CUEDC1: variants seen among roughly 807,000 people sequenced by gnomAD.
The protein encoded by CUEDC1 is CUE domain containing 1, also known as CUE domain-containing protein 1.
CUEDC1 carries 30 observed loss-of-function variants against 43.7 expected under a neutral mutation model. That is an observed-to-expected ratio of 0.69 (90% CI 0.51 to 0.93). The LOEUF (loss-of-function observed/expected upper bound fraction) is 0.93. Among genes scored for constraint, CUEDC1 ranks in the 40% least tolerant of loss-of-function variants. CUEDC1 has a pLI of 0.00. For synonymous variants in CUEDC1, 223 were observed against 223.6 expected (o/e 1.00, Z 0.02); for missense variants, 486 against 549.0 (o/e 0.89, Z 1.15).
chr17:57,870,443 A>G (rs1416710045), intron 6 of CUEDC1, among the ~76,000 whole-genome samples: 1 of 152,272 alleles, frequency 6.6e-6, no homozygotes, highest in Non-Finnish European at 1.5e-5. Flanking sequence ...GCAAGGCCCA[A>G]CAGATGGCAG....
chr17:57,863,667 T>C (rs117530574), intron 10 of CUEDC1, among the ~76,000 whole-genome samples: 2,618 of 152,164 alleles, frequency 0.017, 22 homozygotes, highest in Non-Finnish European at 0.03. Flanking sequence ...GGGCAGAACT[T>C]GGTAGGACTC....
intron 1 of CUEDC1, among the ~76,000 whole-genome samples, chr17:57,916,733 G>A (rs889459749): frequency 2.6e-5 from 4 of 152,190 alleles, no homozygotes; most frequent in Non-Finnish European, 5.9e-5. Flanking sequence ...CCCCGCTCTC[G>A]AGAACCAGTC....
chr17:57,927,020 G>T (rs950918256), intron 1 of CUEDC1, among the ~76,000 whole-genome samples: 11 of 152,342 alleles, frequency 7.2e-5, no homozygotes, highest in Admixed American at 2.0e-4. Context: ...GGGAGGCGCA[G>T]CTGGGGGAAA....
At chr17:57,934,435 T>C (rs1353420725) in intron 1 of CUEDC1, among the ~76,000 whole-genome samples, 2 of 151,854 alleles carry the variant, frequency 1.3e-5, no homozygotes, top group Non-Finnish European at 2.9e-5. Flanking sequence ...TGCACACCTG[T>C]AGTCTCAGCT....
At chr17:57,929,638 G>C (rs149708535) in intron 1 of CUEDC1, among the ~76,000 whole-genome samples, 55 of 152,244 alleles carry the variant, frequency 3.6e-4, no homozygotes, top group African/African-American at 1.3e-3. Context: ...CCTGAACTAA[G>C]GAATAGAGCA....
At position 57,954,892 on chromosome 17, in the gene CUEDC1, G is replaced by C. The variant is rs2075041714; in HGVS notation, c.-316+333C>G. On this transcript the variant is annotated intron_variant, in intron 1 of 10. Transcript: ENST00000577830. The surrounding 1 kb of genome is among the most constrained non-coding windows in gnomAD (Gnocchi z 4.3). The stretch of plus-strand genomic sequence containing the variant: ...CCGGGAGGCCTCGTCTCCCTTCCCT[G>C]CGGCGCTGGCCCGCGCCCCCCGGTC... Among the ~76,000 whole-genome samples, 1 of 151,816 alleles carries C rather than the reference G, an allele frequency of 6.6e-6. No individual in the cohort carries two copies. Among genetic ancestry groups the C allele is most frequent in the African/African-American group, 2.4e-5 (1 of 41,390 alleles).
At chr17:57,912,610 A>G (rs2074595498) in intron 1 of CUEDC1, 1 of 151,950 alleles carries the variant, frequency 6.6e-6, no homozygotes, top group Admixed American at 6.6e-5. Context: ...TTACTACTTA[A>G]AAAAAATAGT....
chr17:57,867,333 C>T (rs573586526), intron 9 of CUEDC1, 24 bp downstream of exon 9: 107 of 1,550,444 alleles, frequency 6.9e-5, no homozygotes, highest in Non-Finnish European at 9.1e-5. Context: ...GAAGTTGGAG[C>T]TTACGACTCC....
chr17:57,879,625 CG>C lies in CUEDC1; in HGVS notation c.449del (p.Pro150ArgfsTer97). 2.5e-6 allele frequency: 4 copies of C among 1,592,794 alleles called. No homozygotes were observed. Among genetic ancestry groups the C allele is most frequent in the Admixed American group, 3.7e-5 (2 of 54,490 alleles). On this transcript the variant is annotated frameshift_variant, in exon 3 of 11. Transcript: ENST00000577830. LOFTEE classifies it high-confidence loss of function. ...VFDRPYPLAP[P>X]TPPPRIDALG... ...CAGATTCTCACCGGGGAGGCGGAGT[CG>C]GGGGAGCCAGAGGGTAGGGCCGGTC...
chr17:57,938,509 AGCTG>A (rs2074882881), intron 1 of CUEDC1, among the ~76,000 whole-genome samples: 1 of 152,184 alleles, frequency 6.6e-6, no homozygotes, highest in Admixed American at 6.5e-5. Context: ...CTAATGAGAG[AGCTG>A]GCAGCACCAT....
At chr17:57,913,345 A>C (rs2074604472) in intron 1 of CUEDC1, among the ~76,000 whole-genome samples, 1 of 151,704 alleles carries the variant, frequency 6.6e-6, no homozygotes, top group Non-Finnish European at 1.5e-5. Flanking sequence ...AAAAAAAGGA[A>C]AAGAAACTGG....
chr17:57,862,363 G>T lies in CUEDC1; in HGVS notation c.*926C>A, dbSNP rs2073892577. On this transcript the variant is annotated 3_prime_UTR_variant, in exon 11 of 11. Transcript: ENST00000577830. The stretch of plus-strand genomic sequence containing the variant: ...CTCTTTAGCCCTGCACCTGCTCAAA[G>T]GGGTCACTCCAGGACCCACCGCTGC... 6.6e-6 allele frequency: 1 copy of T among 152,522 alleles called. No individual in the cohort carries two copies. Among genetic ancestry groups the T allele is most frequent in the African/African-American group, 2.4e-5 (1 of 41,428 alleles). The allele number at this position is 152,522 out of a possible 1,614,324, so 9.4% of individuals were successfully genotyped here.
chr17:57,873,691 G>A lies in CUEDC1; in HGVS notation c.491C>T (p.Pro164Leu), dbSNP rs2074069349. 2.5e-6 allele frequency: 4 copies of A among 1,597,084 alleles called. No homozygotes were observed. The highest frequency in any genetic ancestry group is 2.6e-6 in the Non-Finnish European group (3 of 1,171,484). Residue 164 changes from proline to leucine, a missense_variant, in exon 4 of 11, where the codon CCT (proline) becomes CTT (leucine). Pro to Leu is a moderately conservative substitution (Grantham distance 98). Coordinates refer to ENST00000577830, the MANE Select transcript of CUEDC1 (RefSeq NM_001271875.2). ...GTTCCGATAGCGTCTCTGGCTTGTA[G>A]GGGCTCCAGAGCCCAGCGCGTCGAT... Reference protein sequence around the residue: ...PRIDALGSGAPTSQRRYRNWN... With the variant: ...PRIDALGSGALTSQRRYRNWN...
At chr17:57,874,205 C>T (rs1164932198) in intron 3 of CUEDC1, among the ~76,000 whole-genome samples, 3 of 152,174 alleles carry the variant, frequency 2.0e-5, no homozygotes, top group African/African-American at 7.2e-5. Context: ...ACGCCAGGAT[C>T]CCTACAGAGG....
At chr17:57,904,685 G>A (rs2074509418) in intron 1 of CUEDC1, among the ~76,000 whole-genome samples, 1 of 152,136 alleles carries the variant, frequency 6.6e-6, no homozygotes, top group African/African-American at 2.4e-5. Flanking sequence ...CAAGGAAATT[G>A]GGAGAAATGG....
chr17:57,940,273 G>T (rs567361902), intron 1 of CUEDC1, among the ~76,000 whole-genome samples: 11 of 151,688 alleles, frequency 7.3e-5, no homozygotes, highest in African/African-American at 2.7e-4. Context: ...AAAAAAAATG[G>T]TGGCACAGTA....
chr17:57,933,303 C>A (rs940843306), intron 1 of CUEDC1, among the ~76,000 whole-genome samples: 11 of 147,450 alleles, frequency 7.5e-5, no homozygotes, highest in Non-Finnish European at 1.1e-4. Context: ...CTTTATATAG[C>A]CTTGATGTTC....
At position 57,934,285 on chromosome 17, in the gene CUEDC1, G is replaced by A. The variant is rs553060944; in HGVS notation, c.-316+20940C>T. On this transcript the variant is annotated intron_variant, in intron 1 of 10. Transcript: ENST00000577830. ...CACGTGCCTATAGTCCCAGCTACTC[G>A]GGAGGCTGAGGCAGGAGAATTGCTT... is the stretch of plus-strand genomic sequence containing the variant. Among the ~76,000 whole-genome samples, 36 of 152,136 alleles carry A rather than the reference G, an allele frequency of 2.4e-4. No individual in the cohort carries two copies. The South Asian group carries it at 3.5e-3, about 15-fold the overall frequency.
At chr17:57,868,759 G>A (rs1234634756) in intron 7 of CUEDC1, among the ~76,000 whole-genome samples, 2 of 152,084 alleles carry the variant, frequency 1.3e-5, no homozygotes, top group African/African-American at 2.4e-5. Context: ...GTAGGACTTT[G>A]TGGAAAGAGG....
Sources: gnomAD v4.1 joint callset for allele counts (sites outside exome capture counted in the v4.1 genomes callset) on GRCh38, gnomAD v4.1.1 for gene constraint, Gnocchi (gnomAD v3.1) non-coding constraint, MANE v1.5 for transcripts, NCBI Gene and HGNC (gene_info 2026-07-23, HGNC 2026-07-21) for gene names.